Variants in ADGRG4 observed in about 807,000 individuals in gnomAD.
The protein encoded by ADGRG4 is G protein-coupled receptor 112.
A neutral mutation model predicts 126.2 loss-of-function variants in ADGRG4; 122 were observed. That is an observed-to-expected ratio of 0.97 (90% CI 0.83 to 1.12). The LOEUF is 1.12. Ranked by LOEUF, ADGRG4 falls within the 50% of genes most tolerant of loss-of-function variation. The pLI is 0.00. For synonymous variants in ADGRG4, 943 were observed against 838.7 expected, an observed-to-expected ratio of 1.12 and a Z score of -2.15; for missense variants, 2,481 against 2,251.8, an observed-to-expected ratio of 1.10 and a Z score of -2.06.
At chrX:136,338,440 G>A (rs2074960712) in intron 5 of ADGRG4, among the ~76,000 whole-genome samples, 1 of 111,237 alleles carries the variant, frequency 9.0e-6, no homozygotes, top group South Asian at 3.8e-4. Flanking sequence ...GAGCCACCAA[G>A]CCTGGCCCCA....
At position 136,364,862 on chromosome X, in the gene ADGRG4, C is replaced by T. The variant is rs145237857; in HGVS notation, c.7396+1267C>T. ...AAAACCACTGCTTCGATGAATATTA[C>T]ATATATGTCAGAATTTTGAGAAAGT... On this transcript the variant is annotated intron_variant, in intron 13 of 25. Coordinates refer to ENST00000394143, the MANE Select transcript of ADGRG4 (RefSeq NM_153834.4). Among the ~76,000 whole-genome samples, 877 of 111,731 alleles carry T rather than the reference C, an allele frequency of 7.8e-3. 8 individuals carry two copies. The highest frequency in any genetic ancestry group is 0.011 in the Non-Finnish European group (609 of 53,144).
At chrX:136,408,889 A>G (rs2075429797) in intron 23 of ADGRG4, among the ~76,000 whole-genome samples, 1 of 111,458 alleles carries the variant, frequency 9.0e-6, no homozygotes, top group Admixed American at 9.6e-5. Flanking sequence ...TCAAAGTCCC[A>G]TAGATCCAGC....
intron 15 of ADGRG4, among the ~76,000 whole-genome samples, chrX:136,384,653 T>G (rs1224287931): frequency 9.0e-6 from 1 of 111,410 alleles, no homozygotes; most frequent in Non-Finnish European, 1.9e-5. Context: ...ATGTCTTTAT[T>G]TTATCTTTAT....
At chrX:136,411,515 T>A (rs948530267) in intron 23 of ADGRG4, among the ~76,000 whole-genome samples, 3 of 112,916 alleles carry the variant, frequency 2.7e-5, no homozygotes, top group Non-Finnish European at 3.7e-5. Context: ...GGTTTCCACA[T>A]GGTGTCATTA....
In ADGRG4 at chrX:136,329,461, G is replaced by A. The variant is rs552727499; in HGVS notation, c.685+6069G>A. On this transcript the variant is annotated intron_variant, in intron 5 of 25. Transcript: ENST00000394143. The stretch of plus-strand genomic sequence containing the variant: ...CCACAGACCCCTGTGAATTAGTATG[G>A]ATTATCTCCACTTTAAAATACAGAG... Among the ~76,000 whole-genome samples, 5 of 111,701 alleles carry A rather than the reference G, an allele frequency of 4.5e-5. No homozygotes were observed. The South Asian group carries it at 1.9e-3, about 42-fold the overall frequency.
chrX:136,380,463 A>G (rs757802599), intron 15 of ADGRG4, among the ~76,000 whole-genome samples: 13 of 108,485 alleles, frequency 1.2e-4, no homozygotes, highest in Non-Finnish European at 1.5e-4. Context: ...TATGTTTATT[A>G]CTTCCTTTCT....
chrX:136,414,088 C>A, intron 24 of ADGRG4, 72 bp from the exon 25 acceptor site: 1 of 872,703 alleles, frequency 1.1e-6, no homozygotes, highest in Non-Finnish European at 1.6e-6. Flanking sequence ...ATTTATATAC[C>A]ATACAATTCA....
chrX:136,348,615 C>A lies in ADGRG4; in HGVS notation c.4909C>A (p.Pro1637Thr). The change falls in exon 6 of 26, where the codon CCT (proline) becomes ACT (threonine). Residue 1637 changes from proline (P) to threonine (T), a missense_variant. Coordinates refer to ENST00000394143, the MANE Select transcript of ADGRG4 (RefSeq NM_153834.4). ...SAFTTEMIEAPSRITPTTFLS... is the reference protein window; with the variant it reads ...SAFTTEMIEATSRITPTTFLS... ...TTTCACTACAGAAATGATAGAGGCA[C>A]CTTCCAGGATCACACCTACGACCTT... 1 of 1,210,503 alleles carries A rather than the reference C, an allele frequency of 8.3e-7. No homozygotes were observed.
intron 15 of ADGRG4, among the ~76,000 whole-genome samples, chrX:136,386,099 C>T (rs2075291378): frequency 8.9e-6 from 1 of 112,177 alleles, no homozygotes; most frequent in African/African-American, 3.2e-5. Context: ...AAAACGGGTA[C>T]CCCACCTTGT....
At chrX:136,342,421 A>T in intron 5 of ADGRG4, among the ~76,000 whole-genome samples, 1 of 112,163 alleles carries the variant, frequency 8.9e-6, no homozygotes, top group Non-Finnish European at 1.9e-5. Context: ...GACTCTGTCC[A>T]TGTGGTCTAG....
rs1194833394 is a variant in ADGRG4 at position 136,344,867 on chromosome X, A to G, written c.1161A>G (p.Thr387=). ...TTACCAAGAATTCAGTTGTATCTAC[A>G]ACTTCAGCAATTAAATCTCAGTCGG... ...SRFTKNSVVS[T]TSAIKSQSAV... is the part of the protein sequence containing the mutation. Residue 387 remains threonine, a synonymous_variant, in exon 6 of 26, where the codon ACA becomes ACG. Coordinates refer to ENST00000394143, the MANE Select transcript of ADGRG4 (RefSeq NM_153834.4). 1 of 1,210,577 alleles carries G rather than the reference A, an allele frequency of 8.3e-7. No individual in the cohort carries two copies. Among genetic ancestry groups the G allele is most frequent in the East Asian group, 3.0e-5 (1 of 33,837 alleles).
chrX:136,342,921 T>TGAGA (rs1556006930), intron 5 of ADGRG4, among the ~76,000 whole-genome samples: 2,214 of 84,219 alleles, frequency 0.026, 70 homozygotes, highest in African/African-American at 0.085. Flanking sequence ...TGTGTGTGTG[T>TGAGA]GAGAGAGAGA....
At chrX:136,339,414 G>T (rs2074966696) in intron 5 of ADGRG4, among the ~76,000 whole-genome samples, 1 of 111,923 alleles carries the variant, frequency 8.9e-6, no homozygotes, top group African/African-American at 3.2e-5. Context: ...GGAGAGGGGA[G>T]ATTCAGGCCT....
At chrX:136,362,711 T>A (rs920926118) in intron 12 of ADGRG4, among the ~76,000 whole-genome samples, 2 of 111,392 alleles carry the variant, frequency 1.8e-5, no homozygotes, top group South Asian at 3.8e-4. Flanking sequence ...CTTCTTGGGG[T>A]TGGGGGAAGA....
chrX:136,359,388 T>C lies in ADGRG4; in HGVS notation c.7077T>C (p.His2359=). Residue 2359 remains histidine, a synonymous_variant, in exon 11 of 26, where the codon CAT becomes CAC. Transcript: ENST00000394143. ...GTAAAATACATGGCAACTTCACACA[T>C]GGAAACTTCACACAAGATCAATTGA... The part of the protein sequence containing the change: ...IKSKIHGNFT[H]GNFTQDQLTL... 8.3e-7 allele frequency: 1 copy of C among 1,208,593 alleles called. No homozygotes were observed. Among genetic ancestry groups the C allele is most frequent in the Non-Finnish European group, 1.1e-6 (1 of 892,986 alleles).
chrX:136,362,362 C>A (rs1732218834), intron 12 of ADGRG4, among the ~76,000 whole-genome samples: 1 of 111,214 alleles, frequency 9.0e-6, no homozygotes. Context: ...CTGCCACTAC[C>A]CTGGTGCAAG....
At chrX:136,313,501 G>A (rs745970359) in intron 4 of ADGRG4, among the ~76,000 whole-genome samples, 2 of 112,241 alleles carry the variant, frequency 1.8e-5, no homozygotes, top group Non-Finnish European at 3.8e-5. Flanking sequence ...TGAAGCATAA[G>A]TTCTTTCTTT....
At chrX:136,314,540 C>G (rs756388461) in intron 4 of ADGRG4, among the ~76,000 whole-genome samples, 9 of 111,691 alleles carry the variant, frequency 8.1e-5, no homozygotes, top group Non-Finnish European at 1.3e-4. Context: ...TGTACCCTGG[C>G]TCTTTTTTCA....
At chrX:136,374,192 C>G (rs1358896668) in intron 15 of ADGRG4, among the ~76,000 whole-genome samples, 1 of 105,834 alleles carries the variant, frequency 9.4e-6, no homozygotes, top group Non-Finnish European at 1.9e-5. Context: ...CCTTTTGTTT[C>G]AGTAGTTTGT....
Sources: gnomAD v4.1 joint callset for allele counts (sites outside exome capture counted in the v4.1 genomes callset) on GRCh38, gnomAD v4.1.1 for gene constraint, MANE v1.5 for transcripts, NCBI Gene and HGNC (gene_info 2026-07-23, HGNC 2026-07-21) for gene names.